Variants in CHD6 observed in about 807,000 individuals in gnomAD.
CHD6 encodes ATP-dependent chromatin remodeler CHD6.
A neutral mutation model predicts 276.9 loss-of-function variants in CHD6; 50 were observed. The observed-to-expected ratio is 0.18, with a 90% CI of 0.14 to 0.23. The LOEUF (loss-of-function observed/expected upper bound fraction) is 0.23, where lower values mean the gene tolerates loss of function less well. Ranked by LOEUF, CHD6 falls within the 10% of genes least tolerant of loss-of-function variation. CHD6 has a pLI of 1.00. For synonymous variants in CHD6, 1,173 were observed against 1,229.3 expected (o/e 0.95, Z 0.96); for missense variants, 2,564 against 3,365.8 (o/e 0.76, Z 5.89).
At chr20:41,532,198 T>C (rs966454693) in intron 3 of CHD6, among the ~76,000 whole-genome samples, 1 of 152,210 alleles carries the variant, frequency 6.6e-6, no homozygotes, top group Non-Finnish European at 1.5e-5. Flanking sequence ...ACCTATGCAC[T>C]CTGGTCTCTC....
At chr20:41,449,783 GTA>G (rs1188689748) in intron 23 of CHD6, among the ~76,000 whole-genome samples, 2 of 152,118 alleles carry the variant, frequency 1.3e-5, no homozygotes, top group African/African-American at 4.8e-5. Flanking sequence ...ACATACATGT[GTA>G]TTCAGCATCT....
chr20:41,493,778 A>T (rs954238607), intron 9 of CHD6, 80 bp downstream of exon 9: 17 of 1,562,388 alleles, frequency 1.1e-5, no homozygotes, highest in Non-Finnish European at 1.5e-5. Flanking sequence ...CAGGAATACC[A>T]CTAAGACAAG....
rs1011721280 is a variant in CHD6, at chr20:41,452,486, G to A, written c.3323+254C>T. Among the ~76,000 whole-genome samples, 1 of 152,208 alleles carries A rather than the reference G, an allele frequency of 6.6e-6. No homozygotes were observed. The highest frequency in any genetic ancestry group is 1.5e-5 in the Non-Finnish European group (1 of 68,022). ...GGAAGCAGGAAATCAGTACCAGACA[G>A]CAAATTAGGACCAGAGATTTGTTGT... On this transcript the variant is annotated intron_variant, in intron 21 of 36. Coordinates refer to ENST00000373233, the MANE Select transcript of CHD6 (RefSeq NM_032221.5). The surrounding 1 kb of genome is among the most constrained non-coding windows in gnomAD (Gnocchi z 4.2).
chr20:41,440,476 G>A (rs902406584), intron 25 of CHD6, among the ~76,000 whole-genome samples: 1 of 152,138 alleles, frequency 6.6e-6, no homozygotes, highest in African/African-American at 2.4e-5. Flanking sequence ...TCCTTTATGG[G>A]CCTTGTTTTC....
chr20:41,415,980 C>T (rs1366377799), intron 33 of CHD6, among the ~76,000 whole-genome samples: 1 of 152,210 alleles, frequency 6.6e-6, no homozygotes, highest in Non-Finnish European at 1.5e-5. Flanking sequence ...TTTAAAACAA[C>T]TCAGTACCCA....
rs999658937 is a variant in CHD6, at chr20:41,434,933, T to C, written c.4068+2341A>G. On this transcript the variant is annotated intron_variant, in intron 27 of 36. Coordinates refer to ENST00000373233, the MANE Select transcript of CHD6 (RefSeq NM_032221.5). ...AAACCAAAAGCATGTTCTTTCCAAG[T>C]GCCCATGGAACATATACCAAGATAT... Among the ~76,000 whole-genome samples the C allele has an allele frequency of 3.4e-4, 52 of 152,324 alleles. 1 individual carries two copies. The highest frequency in any genetic ancestry group is 1.2e-3 in the African/African-American group (51 of 41,562).
chr20:41,419,746 A>C (rs2047125625), intron 31 of CHD6, among the ~76,000 whole-genome samples: 2 of 151,908 alleles, frequency 1.3e-5, no homozygotes, highest in African/African-American at 4.8e-5. Context: ...TGTTCACCCT[A>C]ATAGGCCTTC....
chr20:41,456,153 G>A (rs1180891144), intron 18 of CHD6, among the ~76,000 whole-genome samples, 174 bp from the exon 19 acceptor site: 1 of 152,034 alleles, frequency 6.6e-6, no homozygotes, highest in Non-Finnish European at 1.5e-5. Context: ...CTCTGGGGAG[G>A]GCAGGCAGAC....
Position 41,491,686 on chromosome 20 carries a change from T to C in CHD6, c.1436+12A>G, listed in dbSNP as rs1408669720. ...CTGGGTACAAACATCTGGGCTGGTT[T>C]TGGTTCCTTACCTGTTATACCAGTT... On this transcript the variant is annotated intron_variant, in intron 11 of 36. Transcript: ENST00000373233. 6.2e-7 allele frequency: 1 copy of C among 1,613,592 alleles called. No homozygotes were observed. Among genetic ancestry groups the C allele is most frequent in the East Asian group, 2.2e-5 (1 of 44,848 alleles).
intron 1 of CHD6, among the ~76,000 whole-genome samples, chr20:41,559,671 G>A (rs541923459): frequency 6.6e-5 from 10 of 152,020 alleles, no homozygotes; most frequent in Non-Finnish European, 1.5e-4. Flanking sequence ...ATACCAGAAA[G>A]GCTCCCTGAG....
At chr20:41,572,352 A>T (rs559188038) in intron 1 of CHD6, among the ~76,000 whole-genome samples, 1 of 152,306 alleles carries the variant, frequency 6.6e-6, no homozygotes, top group African/African-American at 2.4e-5. Context: ...TGCACAAAGC[A>T]CAAAGCACAT....
chr20:41,476,282 T>C (rs1261546190), intron 16 of CHD6, among the ~76,000 whole-genome samples: 2 of 152,084 alleles, frequency 1.3e-5, no homozygotes, highest in African/African-American at 2.4e-5. Context: ...GGAGTTGATA[T>C]GGTTCAAACT....
intron 4 of CHD6, 107 bp downstream of exon 4, chr20:41,514,698 G>T: frequency 1.5e-6 from 2 of 1,308,324 alleles, no homozygotes; most frequent in Non-Finnish European, 2.1e-6. Context: ...CCAGCCCAGG[G>T]CTAGGGAGTG....
intron 17 of CHD6, among the ~76,000 whole-genome samples, chr20:41,468,961 T>C (rs759697993): frequency 6.6e-6 from 1 of 152,158 alleles, no homozygotes; most frequent in Admixed American, 6.5e-5. Context: ...CACTGCACTC[T>C]AGCCTGGATA....
intron 1 of CHD6, among the ~76,000 whole-genome samples, chr20:41,589,316 G>A (rs745648169): frequency 5.5e-4 from 84 of 152,266 alleles, no homozygotes; most frequent in Non-Finnish European, 1.1e-3. Context: ...ACAAGACAGG[G>A]ATGCCCTCTC....
intron 1 of CHD6, among the ~76,000 whole-genome samples, chr20:41,557,455 T>C (rs2045253071): frequency 6.6e-6 from 1 of 152,038 alleles, no homozygotes; most frequent in Non-Finnish European, 1.5e-5. Flanking sequence ...GTCCAAAAAA[T>C]CTGCAACAGT....
At chr20:41,547,657 C>T (rs1298000558) in intron 2 of CHD6, 2 of 720,658 alleles carry the variant, frequency 2.8e-6, no homozygotes, top group African/African-American at 1.8e-5. Flanking sequence ...TCTGCCTCTG[C>T]CCTAATCATC....
At chr20:41,597,609 T>C (rs905380535) in intron 1 of CHD6, among the ~76,000 whole-genome samples, 1 of 149,262 alleles carries the variant, frequency 6.7e-6, no homozygotes, top group South Asian at 2.2e-4. Flanking sequence ...TGAGAAGGGG[T>C]TGACCCACCA....
intron 2 of CHD6, 86 bp from the exon 3 acceptor site, chr20:41,533,656 G>T: frequency 1.6e-6 from 2 of 1,230,686 alleles, no homozygotes; most frequent in Non-Finnish European, 2.2e-6. Context: ...ACATGGATTT[G>T]CTCAACAAAT....
Sources: allele counts gnomAD v4.1 joint callset (sites outside exome capture counted in the v4.1 genomes callset), GRCh38; gene constraint gnomAD v4.1.1; non-coding constraint Gnocchi (gnomAD v3.1); transcripts MANE v1.5; gene names NCBI Gene and HGNC (gene_info 2026-07-23, HGNC 2026-07-21).